Variants in ANKRD29 observed in about 807,000 individuals in gnomAD.
ANKRD29 encodes the protein ankyrin repeat domain-containing protein 29.
A neutral mutation model predicts 38.0 loss-of-function variants in ANKRD29; 32 were observed. The observed-to-expected ratio is 0.84, with a 90% CI of 0.64 to 1.13. The LOEUF is 1.13. Ranked by LOEUF, ANKRD29 falls within the 50% of genes most tolerant of loss-of-function variation. The pLI is 0.00. For synonymous variants in ANKRD29, 135 were observed against 152.4 expected (o/e 0.89, Z 0.84); for missense variants, 357 against 377.9 (o/e 0.94, Z 0.46).
At chr18:23,659,209 C>T (rs926075966) in intron 1 of ANKRD29, among the ~76,000 whole-genome samples, 3 of 152,004 alleles carry the variant, frequency 2.0e-5, no homozygotes, top group African/African-American at 4.8e-5. Flanking sequence ...CTTAAACTCC[C>T]GACTTCAGGT....
rs1463511973 is a variant in ANKRD29, at chr18:23,600,910, T to TA, written c.*315dup. 4.6e-6 allele frequency: 1 copy of TA among 216,674 alleles called. No homozygotes were observed. Among genetic ancestry groups the TA allele is most frequent in the African/African-American group, 2.3e-5 (1 of 43,750 alleles). 13.4% of individuals were successfully genotyped at this position (216,674 alleles called of 1,614,324 possible). ...TTAGTACTGAGAACCCTGTCCACCTTAGAGTTTAACTGACAGGTCCAAGTT... is the reference window on the plus strand; with the variant it reads ...TTAGTACTGAGAACCCTGTCCACCTTAAGAGTTTAACTGACAGGTCCAAGTT... On this transcript the variant is annotated 3_prime_UTR_variant, in exon 10 of 10. Coordinates refer to ENST00000592179, the MANE Select transcript of ANKRD29 (RefSeq NM_173505.4).
intron 9 of ANKRD29, among the ~76,000 whole-genome samples, chr18:23,607,461 A>G (rs2059588070): frequency 6.6e-6 from 1 of 152,208 alleles, no homozygotes; most frequent in East Asian, 1.9e-4. Context: ...GAACCTCTAC[A>G]GTCAAGGAGA....
Position 23,649,150 on chromosome 18 carries a change from C to A in ANKRD29, c.65G>T (p.Arg22Ile), listed in dbSNP as rs143318904. 6.2e-7 allele frequency: 1 copy of A among 1,614,186 alleles called. No homozygotes were observed. The highest frequency in any genetic ancestry group is 1.7e-5 in the Admixed American group (1 of 60,030). The change falls in exon 2 of 10, where the codon AGA becomes ATA. Residue 22 changes from arginine (R) to isoleucine (I), a missense_variant. By Grantham distance (97) the Arg-to-Ile change is moderately conservative. Transcript: ENST00000592179. ...CAGCTTCAGCAGCGCCAGGTTTCCT[C>A]TCCTGGCTGCCCAGAATGCAGCATT... The part of the protein sequence containing the change: ...LANAAFWAAR[R>I]GNLALLKLLL...
intron 7 of ANKRD29, 63 bp from the exon 8 acceptor site, chr18:23,617,890 T>C (rs563576263): frequency 7.2e-7 from 1 of 1,397,112 alleles, no homozygotes; most frequent in African/African-American, 1.4e-5. Context: ...TTGAAAGCAG[T>C]CAGTTGGGAA....
chr18:23,607,349 C>G (rs2059586733), intron 9 of ANKRD29, among the ~76,000 whole-genome samples: 1 of 152,178 alleles, frequency 6.6e-6, no homozygotes, highest in Admixed American at 6.5e-5. Flanking sequence ...TCCTGGTAAA[C>G]AGACCTAAGC....
chr18:23,638,663 G>A (rs144403418), intron 4 of ANKRD29, among the ~76,000 whole-genome samples, 186 bp downstream of exon 4: 6 of 152,238 alleles, frequency 3.9e-5, no homozygotes, highest in African/African-American at 9.6e-5. Flanking sequence ...AAAATGTAAC[G>A]TTTTGAATAG....
chr18:23,639,034 C>T, intron 3 of ANKRD29, 87 bp from the exon 4 acceptor site: 1 of 1,056,006 alleles, frequency 9.5e-7, no homozygotes, highest in Non-Finnish European at 1.4e-6. Flanking sequence ...AAAACAATAT[C>T]CTTGCATAGA....
intron 2 of ANKRD29, chr18:23,648,677 A>AT (rs1311470408): frequency 2.0e-3 from 737 of 366,972 alleles, no homozygotes; most frequent in East Asian, 2.7e-3. Flanking sequence ...GGAGGCTTCA[A>AT]TTTTTGTTTT....
intron 1 of ANKRD29, chr18:23,649,521 A>C: frequency 1.9e-6 from 1 of 540,506 alleles, no homozygotes; most frequent in Non-Finnish European, 3.5e-6. Context: ...ATTTTCCTCC[A>C]TCCTTCAAGG....
chr18:23,635,538 C>T (rs2059991992), intron 4 of ANKRD29, among the ~76,000 whole-genome samples: 1 of 152,192 alleles, frequency 6.6e-6, no homozygotes, highest in Non-Finnish European at 1.5e-5. Flanking sequence ...AGTTGTTTGG[C>T]TCTCTGAACT....
rs79194629 is a variant in ANKRD29, at chr18:23,634,238, A to G, written c.331-89T>C. 1,723 of 969,322 alleles carry G rather than the reference A, an allele frequency of 1.8e-3. 34 individuals carry two copies. In the East Asian group the frequency reaches 0.04, roughly 23 times the overall value. The allele number at this position is 969,322 out of a possible 1,614,324, so 60.0% of individuals were successfully genotyped here. A position where few individuals can be genotyped will look rare whatever the true frequency, so the allele number is the denominator to read the frequency against. On this transcript the variant is annotated intron_variant, in intron 4 of 9. Coordinates refer to ENST00000592179, the MANE Select transcript of ANKRD29 (RefSeq NM_173505.4). ...TTCCTCACATACATAGAATTTAGGA[A>G]GAGAGTTTTCCCAAAGATAATAACA... is the stretch of plus-strand genomic sequence containing the variant.
chr18:23,634,335 G>C (rs2059976312), intron 4 of ANKRD29, among the ~76,000 whole-genome samples, 186 bp from the exon 5 acceptor site: 1 of 140,136 alleles, frequency 7.1e-6, no homozygotes, highest in Admixed American at 7.4e-5. Context: ...TGTCACCCAG[G>C]CTGGAGTGCA....
intron 9 of ANKRD29, among the ~76,000 whole-genome samples, chr18:23,601,863 G>A (rs2059516998): frequency 6.6e-6 from 1 of 151,436 alleles, no homozygotes; most frequent in South Asian, 2.1e-4. Flanking sequence ...TTGCCATGTT[G>A]CCCCAGCTGG....
intron 1 of ANKRD29, among the ~76,000 whole-genome samples, chr18:23,661,421 G>A (rs2060359218): frequency 6.6e-6 from 1 of 152,168 alleles, no homozygotes; most frequent in Admixed American, 6.5e-5. Flanking sequence ...AACTTTTAAA[G>A]TCGGCCGGGC....
intron 8 of ANKRD29, among the ~76,000 whole-genome samples, chr18:23,616,574 T>TAC (rs1568013749): frequency 2.7e-4 from 38 of 138,522 alleles, no homozygotes; most frequent in African/African-American, 9.9e-4. Context: ...ACACTATATA[T>TAC]ACAGTATATA....
At chr18:23,605,182 A>C (rs2059560193) in intron 9 of ANKRD29, among the ~76,000 whole-genome samples, 2 of 152,144 alleles carry the variant, frequency 1.3e-5, no homozygotes, top group Admixed American at 6.5e-5. Context: ...TAACCTCCCA[A>C]AGTGCTGGGA....
chr18:23,653,941 C>T (rs1335819547), intron 1 of ANKRD29, among the ~76,000 whole-genome samples: 2 of 152,064 alleles, frequency 1.3e-5, no homozygotes, highest in Non-Finnish European at 2.9e-5. Context: ...CAGTAAGGAT[C>T]TTGGCTCATC....
chr18:23,651,781 T>C (rs2060213926), intron 1 of ANKRD29, among the ~76,000 whole-genome samples: 1 of 152,224 alleles, frequency 6.6e-6, no homozygotes, highest in Admixed American at 6.5e-5. Flanking sequence ...TTCTATAAGG[T>C]TCTAGAAACC....
rs2059865369 is a variant in ANKRD29 at position 23,626,604 on chromosome 18, G to T, written c.528+3249C>A. Reference sequence around the variant, plus strand: ...TTGACCTTTTGGCTTAGGACAATATGGAAGGAAAATATTTTTTGAAGTTTC... The same window carrying T: ...TTGACCTTTTGGCTTAGGACAATATTGAAGGAAAATATTTTTTGAAGTTTC... On this transcript the variant is annotated intron_variant, in intron 6 of 9. Coordinates refer to ENST00000592179, the MANE Select transcript of ANKRD29 (RefSeq NM_173505.4). 2.0e-5 allele frequency among the ~76,000 whole-genome samples: 3 copies of T among 152,160 alleles called. No individual in the cohort carries two copies. The South Asian group carries it at 6.2e-4, about 32-fold the overall frequency.
Sources: gnomAD v4.1 joint callset for allele counts (sites outside exome capture counted in the v4.1 genomes callset) on GRCh38, gnomAD v4.1.1 for gene constraint, MANE v1.5 for transcripts, NCBI Gene and HGNC (gene_info 2026-07-23, HGNC 2026-07-21) for gene names.